Variants in RBBP8NL observed in about 807,000 individuals in gnomAD.
The protein encoded by RBBP8NL is RBBP8 N-terminal-like protein.
RBBP8NL carries 59 observed loss-of-function variants against 62.2 expected under a neutral mutation model. That is an observed-to-expected ratio of 0.95 (90% CI 0.77 to 1.18). RBBP8NL has a LOEUF of 1.18. Among genes scored for constraint, RBBP8NL ranks in the 50% most tolerant of loss-of-function variants. The probability of loss-of-function intolerance (pLI) is 0.00; values close to 1 mark genes in which losing one functional copy is unlikely to be tolerated. For synonymous variants in RBBP8NL, 412 were observed against 394.1 expected (o/e 1.05, Z -0.54); for missense variants, 896 against 899.5 (o/e 1.00, Z 0.05).
rs568839502 is a variant in RBBP8NL at position 62,413,301 on chromosome 20, G to C, written c.1675+100C>G. 3 of 1,324,334 alleles carry C rather than the reference G, an allele frequency of 2.3e-6. No individual in the cohort carries two copies. In the African/African-American group the frequency reaches 4.5e-5, roughly 20 times the overall value. The allele number at this position is 1,324,334 out of a possible 1,614,324, so 82.0% of individuals were successfully genotyped here. A position where few individuals can be genotyped will look rare whatever the true frequency, so the allele number is the denominator to read the frequency against. On this transcript the variant is annotated intron_variant, in intron 11 of 13. Coordinates refer to ENST00000252998, the MANE Select transcript of RBBP8NL (RefSeq NM_080833.3). ...CGTCAGATCGGCAGGGCAGAGCTGG[G>C]CCTGGAGACACCCACTCCTGGTGGG...
At position 62,410,850 on chromosome 20, in the gene RBBP8NL, G is replaced by A. The variant is rs745823850; in HGVS notation, c.*28C>T. 6.0e-6 allele frequency: 9 copies of A among 1,512,266 alleles called. No individual in the cohort carries two copies. Among genetic ancestry groups the A allele is most frequent in the Non-Finnish European group, 8.2e-6 (9 of 1,092,552 alleles). 93.7% of individuals were successfully genotyped at this position (1,512,266 alleles called of 1,614,324 possible). A position where few individuals can be genotyped will look rare whatever the true frequency, so the allele number is the denominator to read the frequency against. ...GTGGGCAGGTGGAGGGCTGCCCCGG[G>A]CTCGCTGTGGACCCTGGTGCAGGCT... On this transcript the variant is annotated 3_prime_UTR_variant, in exon 14 of 14. Transcript: ENST00000252998.
intron 1 of RBBP8NL, among the ~76,000 whole-genome samples, chr20:62,422,252 C>A (rs989505788): frequency 1.3e-5 from 2 of 152,140 alleles, no homozygotes; most frequent in Non-Finnish European, 2.9e-5. Flanking sequence ...GAGACGCCCA[C>A]GTGAGGGTCC....
At chr20:62,423,859 C>T (rs1008826578) in intron 1 of RBBP8NL, among the ~76,000 whole-genome samples, 2 of 152,190 alleles carry the variant, frequency 1.3e-5, no homozygotes, top group Non-Finnish European at 1.5e-5. Flanking sequence ...TAGAAATTCA[C>T]CCAGACCCGC....
chr20:62,420,543 C>T (rs1988677116), intron 1 of RBBP8NL, among the ~76,000 whole-genome samples: 1 of 152,134 alleles, frequency 6.6e-6, no homozygotes, highest in Non-Finnish European at 1.5e-5. Context: ...TACACACATA[C>T]AACACATATG....
rs1373066923 is a variant in RBBP8NL, at chr20:62,413,449, G to A, written c.1627C>T (p.Pro543Ser). Residue 543 changes from proline to serine, a missense_variant, in exon 11 of 14, where the codon CCA becomes TCA. Physicochemically the swap from Pro to Ser is moderately conservative, Grantham distance 74. Coordinates refer to ENST00000252998, the MANE Select transcript of RBBP8NL (RefSeq NM_080833.3). ...GGCTGTGGGTGGGGAGGCGGCTGTG[G>A]GTGGGGAGGTGGCAGAGGCCTCCCT... Reference protein sequence around the residue: ...DTGRPLPPPHPQPPPHPQPPD... With the variant: ...DTGRPLPPPHSQPPPHPQPPD... 1 of 1,471,310 alleles carries A rather than the reference G, an allele frequency of 6.8e-7. No individual in the cohort carries two copies. Among genetic ancestry groups the A allele is most frequent in the East Asian group, 2.5e-5 (1 of 39,376 alleles). 91.1% of individuals were successfully genotyped at this position (1,471,310 alleles called of 1,614,324 possible).
At chr20:62,417,126 G>A in intron 4 of RBBP8NL, 98 bp downstream of exon 4, 1 of 913,102 alleles carries the variant, frequency 1.1e-6, no homozygotes, top group Non-Finnish European at 1.7e-6. Context: ...AGTTTATCCT[G>A]GAGTTTCCCA....
Position 62,414,020 on chromosome 20 carries a change from A to C in RBBP8NL, c.1331T>G (p.Leu444Arg). 6.3e-7 allele frequency: 1 copy of C among 1,585,702 alleles called. No homozygotes were observed. The highest frequency in any genetic ancestry group is 8.6e-7 in the Non-Finnish European group (1 of 1,166,366). ...QDCALDKPLDLSEWGRARGQD... is the reference protein window; with the variant it reads ...QDCALDKPLDRSEWGRARGQD... ...GCCCCGGGCCCGGCCCCACTCCGAG[A>C]GGTCCAGGGGCTTGTCTAGGGCACA... Residue 444 changes from leucine (L) to arginine (R), a missense_variant, in exon 10 of 14, where the codon CTC (leucine) becomes CGC (arginine). Transcript: ENST00000252998.
intron 6 of RBBP8NL, 49 bp from the exon 7 acceptor site, chr20:62,415,994 G>T: frequency 6.7e-7 from 1 of 1,492,184 alleles, no homozygotes. Context: ...AGCATCTCGG[G>T]AGATGATCAG....
At chr20:62,411,034 G>T in intron 13 of RBBP8NL, 38 bp from the exon 14 acceptor site, 1 of 1,403,396 alleles carries the variant, frequency 7.1e-7, no homozygotes, top group Non-Finnish European at 1.0e-6. Context: ...GGAGCTGTGT[G>T]CCTTCCTTTG....
chr20:62,416,733 C>T (rs1486378488), intron 5 of RBBP8NL, 27 bp downstream of exon 5: 1 of 1,515,976 alleles, frequency 6.6e-7, no homozygotes, highest in African/African-American at 1.4e-5. Context: ...GGGAGAGGAC[C>T]CCGGTTGTCT....
chr20:62,415,319 G>A (rs374980436), intron 8 of RBBP8NL, 32 bp from the exon 9 acceptor site: 2 of 1,545,128 alleles, frequency 1.3e-6, no homozygotes, highest in South Asian at 1.2e-5. Context: ...CCTGGGCGGG[G>A]GCATGCGTGG....
chr20:62,414,735 C>T (rs906264731), intron 9 of RBBP8NL, among the ~76,000 whole-genome samples, 179 bp from the exon 10 acceptor site: 2 of 152,208 alleles, frequency 1.3e-5, no homozygotes, highest in Non-Finnish European at 2.9e-5. Flanking sequence ...GGCTCAGCCC[C>T]CAGCTCTGGA....
intron 11 of RBBP8NL, 81 bp from the exon 12 acceptor site, chr20:62,412,981 G>A (rs1988470196): frequency 5.4e-6 from 8 of 1,490,726 alleles, no homozygotes; most frequent in African/African-American, 1.4e-5. Flanking sequence ...GATGGGTGGA[G>A]CCAACTCTGC....
chr20:62,418,391 T>G, intron 3 of RBBP8NL, 32 bp downstream of exon 3: 1 of 1,548,450 alleles, frequency 6.5e-7, no homozygotes, highest in South Asian at 1.2e-5. Context: ...GTGTGGTCCC[T>G]GTGAGGAGGG....
At chr20:62,413,350 C>G in intron 11 of RBBP8NL, 51 bp downstream of exon 11, 1 of 1,373,650 alleles carries the variant, frequency 7.3e-7, no homozygotes. Context: ...CCTCTCTCTC[C>G]GTGGGGAAAA....
intron 13 of RBBP8NL, 146 bp downstream of exon 13, chr20:62,412,478 T>C (rs746273013): frequency 4.2e-4 from 450 of 1,084,068 alleles, no homozygotes; most frequent in Middle Eastern, 9.6e-4. Flanking sequence ...TGGGGTTCAT[T>C]TGGGGAGGGT....
intron 1 of RBBP8NL, among the ~76,000 whole-genome samples, chr20:62,422,341 C>T (rs894129626): frequency 1.1e-4 from 17 of 151,734 alleles, no homozygotes; most frequent in Admixed American, 2.0e-4. Context: ...ATATGGTGGC[C>T]GCCCAGCCCC....
chr20:62,416,558 G>T (rs186874198), intron 5 of RBBP8NL, among the ~76,000 whole-genome samples: 1 of 152,214 alleles, frequency 6.6e-6, no homozygotes, highest in Non-Finnish European at 1.5e-5. Flanking sequence ...CCCAGGGGAG[G>T]GAGGCTGTGT....
intron 10 of RBBP8NL, 62 bp downstream of exon 10, chr20:62,413,759 C>T (rs539794170): frequency 1.9e-5 from 28 of 1,513,222 alleles, no homozygotes; most frequent in Admixed American, 8.8e-5. Context: ...GGGGGGAGGC[C>T]GGCCCGGGGT....
Sources: gnomAD v4.1 joint callset for allele counts (sites outside exome capture counted in the v4.1 genomes callset) on GRCh38, gnomAD v4.1.1 for gene constraint, MANE v1.5 for transcripts, NCBI Gene and HGNC (gene_info 2026-07-23, HGNC 2026-07-21) for gene names.